Variants in RECQL observed in about 807,000 individuals in gnomAD.
RECQL encodes RecQ like helicase, also known as ATP-dependent DNA helicase Q1.
In RECQL, 73 loss-of-function variants were observed where a neutral mutation model predicts 75.8. That is an observed-to-expected ratio of 0.96 (90% CI 0.80 to 1.17). RECQL has a LOEUF of 1.17. Among genes scored for constraint, RECQL ranks in the 50% most tolerant of loss-of-function variants. RECQL has a pLI of 0.00. For missense variants in RECQL, 699 were observed against 772.1 expected (o/e 0.91, Z 1.12); for synonymous variants, 248 against 254.4 (o/e 0.97, Z 0.24).
rs757895481 is a variant in RECQL at position 21,475,669 on chromosome 12, AC to A, written c.1098+6del. 30 of 1,612,982 alleles carry A rather than the reference AC, an allele frequency of 1.9e-5. 1 individual carries two copies. In the East Asian group the frequency reaches 6.2e-4, roughly 34 times the overall value. On this transcript the variant is annotated splice_donor_region_variant and intron_variant, in intron 9 of 14. Coordinates refer to ENST00000444129, the MANE Select transcript of RECQL (RefSeq NM_002907.4). ...AATTAGGCTTCTATGGAAGATATAGACCTAACCTGAATTTCATTGGCTGACC... is the reference window on the plus strand; with the variant it reads ...AATTAGGCTTCTATGGAAGATATAGACTAACCTGAATTTCATTGGCTGACC...
chr12:21,473,538 A>G lies in RECQL; in HGVS notation c.1447+13T>C, dbSNP rs2137327681. The G allele has an allele frequency of 1.9e-6, 3 of 1,606,220 alleles. No individual in the cohort carries two copies. The highest frequency in any genetic ancestry group is 2.6e-6 in the Non-Finnish European group (3 of 1,173,538). On this transcript the variant is annotated intron_variant, in intron 12 of 14. Transcript: ENST00000444129. Reference sequence around the variant, plus strand: ...GTATTAGCCTATAAAGGTTTACAAAACAACAAACTCACCACTGTCTTTACA... The same window carrying G: ...GTATTAGCCTATAAAGGTTTACAAAGCAACAAACTCACCACTGTCTTTACA...
Position 21,481,569 on chromosome 12 carries a change from A to G in RECQL, c.700+1807T>C, listed in dbSNP as rs7307207. On this transcript the variant is annotated intron_variant, in intron 6 of 14. Coordinates refer to ENST00000444129, the MANE Select transcript of RECQL (RefSeq NM_002907.4). ...TGTGGCGCTATCTGGTTAAGAAAAG[A>G]GGGGCCCTTAATAGAAAGGCGTATA... is the stretch of plus-strand genomic sequence containing the variant. Among the ~76,000 whole-genome samples, 386 of 152,268 alleles carry G rather than the reference A, an allele frequency of 2.5e-3. 1 individual carries two copies. Among genetic ancestry groups the G allele is most frequent in the African/African-American group, 8.7e-3 (363 of 41,572 alleles).
chr12:21,492,029 C>T (rs115367602), intron 2 of RECQL, among the ~76,000 whole-genome samples: 78 of 152,208 alleles, frequency 5.1e-4, no homozygotes, highest in African/African-American at 1.8e-3. Context: ...GAGTTCTAGA[C>T]GCAGTACCTG....
chr12:21,490,961 T>C (rs1943400665), intron 3 of RECQL, among the ~76,000 whole-genome samples: 1 of 152,210 alleles, frequency 6.6e-6, no homozygotes. Flanking sequence ...TGAATGTTGA[T>C]CAGGGAATTC....
rs139395671 is a variant in RECQL, at chr12:21,475,907, A to G, written c.950-83T>C. The G allele has an allele frequency of 7.5e-4, 822 of 1,095,516 alleles. 7 individuals carry two copies. The African/African-American group carries it at 0.012, about 16-fold the overall frequency. The allele number at this position is 1,095,516 out of a possible 1,614,324, so 67.9% of individuals were successfully genotyped here. A position where few individuals can be genotyped will look rare whatever the true frequency, so the allele number is the denominator to read the frequency against. On this transcript the variant is annotated intron_variant, in intron 8 of 14. Coordinates refer to ENST00000444129, the MANE Select transcript of RECQL (RefSeq NM_002907.4). ...TTCAACACACACATTCAGGACATTG[A>G]TTAATACAATGCACAGAAGGAAAAA...
intron 12 of RECQL, among the ~76,000 whole-genome samples, chr12:21,471,969 A>G (rs1465094963): frequency 6.6e-6 from 1 of 152,086 alleles, no homozygotes; most frequent in Non-Finnish European, 1.5e-5. Context: ...GGTGTGTTTT[A>G]TAGGAGACCC....
intron 2 of RECQL, among the ~76,000 whole-genome samples, chr12:21,495,122 G>C (rs1371313417): frequency 6.6e-6 from 1 of 152,190 alleles, no homozygotes; most frequent in Admixed American, 6.5e-5. Flanking sequence ...AAACACAACA[G>C]AGAGACCATC....
At chr12:21,493,309 A>G (rs1591991468) in intron 2 of RECQL, among the ~76,000 whole-genome samples, 1 of 152,332 alleles carries the variant, frequency 6.6e-6, no homozygotes, top group East Asian at 1.9e-4. Flanking sequence ...CAGTAGAAAA[A>G]TAACTAGAGA....
intron 2 of RECQL, 59 bp from the exon 3 acceptor site, chr12:21,491,775 C>G: frequency 6.9e-7 from 1 of 1,451,830 alleles, no homozygotes; most frequent in South Asian, 1.3e-5. Flanking sequence ...TTTAGGTTTC[C>G]AGATTGATTT....
chr12:21,470,573 C>T (rs1198910143), intron 14 of RECQL: 3 of 503,726 alleles, frequency 6.0e-6, no homozygotes, highest in South Asian at 3.8e-5. Context: ...TGTCCTTAGA[C>T]ACAATGGCAC....
rs542085017 is a variant in RECQL, at chr12:21,488,104, T to C, written c.395-1519A>G. Among the ~76,000 whole-genome samples, 23 of 152,330 alleles carry C rather than the reference T, an allele frequency of 1.5e-4. No individual in the cohort carries two copies. The South Asian group carries it at 3.1e-3, about 21-fold the overall frequency. ...CTCAATTCCTACCTGCTTCAAACCATTGCTATTTGGTCTCCACCCAACCAT... is the reference window on the plus strand; with the variant it reads ...CTCAATTCCTACCTGCTTCAAACCACTGCTATTTGGTCTCCACCCAACCAT... On this transcript the variant is annotated intron_variant, in intron 4 of 14. Coordinates refer to ENST00000444129, the MANE Select transcript of RECQL (RefSeq NM_002907.4).
At chr12:21,490,764 G>A (rs1943396684) in intron 3 of RECQL, among the ~76,000 whole-genome samples, 1 of 152,126 alleles carries the variant, frequency 6.6e-6, no homozygotes, top group South Asian at 2.1e-4. Flanking sequence ...TGAGGAGGGA[G>A]GATTGCTTGA....
intron 8 of RECQL, 31 bp downstream of exon 8, chr12:21,476,880 T>C (rs1335642029): frequency 2.7e-6 from 4 of 1,477,092 alleles, no homozygotes; most frequent in Non-Finnish European, 3.7e-6. Flanking sequence ...AAGTTATCTC[T>C]GTCTCCAAAG....
intron 3 of RECQL, 81 bp from the exon 4 acceptor site, chr12:21,490,459 G>A: frequency 1.2e-6 from 1 of 863,500 alleles, no homozygotes; most frequent in African/African-American, 1.7e-5. Context: ...ACATATATAA[G>A]ACTTCTAATA....
intron 2 of RECQL, among the ~76,000 whole-genome samples, chr12:21,496,924 T>C (rs1427852990): frequency 1.3e-5 from 2 of 152,172 alleles, no homozygotes; most frequent in African/African-American, 2.4e-5. Context: ...GATTTGATGG[T>C]GCTGTAAGTT....
chr12:21,494,468 T>C (rs1227341407), intron 2 of RECQL, among the ~76,000 whole-genome samples: 1 of 152,214 alleles, frequency 6.6e-6, no homozygotes, highest in Non-Finnish European at 1.5e-5. Flanking sequence ...CTGGATTTAA[T>C]GTCCTAGATA....
At chr12:21,482,759 A>G (rs1943216397) in intron 6 of RECQL, among the ~76,000 whole-genome samples, 1 of 152,228 alleles carries the variant, frequency 6.6e-6, no homozygotes, top group South Asian at 2.1e-4. Context: ...AAAGCTTCAG[A>G]AGGAAAACAG....
At chr12:21,485,517 T>C (rs926349673) in intron 5 of RECQL, among the ~76,000 whole-genome samples, 1 of 151,688 alleles carries the variant, frequency 6.6e-6, no homozygotes, top group South Asian at 2.1e-4. Flanking sequence ...TACAATACAA[T>C]GCATGAATAT....
chr12:21,495,059 CT>C (rs1943480081), intron 2 of RECQL, among the ~76,000 whole-genome samples: 2 of 152,176 alleles, frequency 1.3e-5, no homozygotes, highest in Admixed American at 6.5e-5. Flanking sequence ...AAATAGATTA[CT>C]TGATTTGTAA....
Sources: allele counts gnomAD v4.1 joint callset (sites outside exome capture counted in the v4.1 genomes callset), GRCh38; gene constraint gnomAD v4.1.1; transcripts MANE v1.5; gene names NCBI Gene and HGNC (gene_info 2026-07-23, HGNC 2026-07-21).